Variants in SHISA9 observed in about 807,000 individuals in gnomAD.
SHISA9 encodes the protein protein shisa-9.
A neutral mutation model predicts 38.0 loss-of-function variants in SHISA9; 13 were observed. The ratio of observed to expected loss-of-function variants is 0.34; its 90% CI spans 0.22 to 0.54. The LOEUF is 0.54. SHISA9 is among the 20% of genes least tolerant of loss of function. The pLI is 0.91. For missense variants in SHISA9, 538 were observed against 575.8 expected (o/e 0.93, Z 0.67); for synonymous variants, 275 against 242.0 (o/e 1.14, Z -1.27).
chr16:12,976,955 G>A (rs1021210488), intron 2 of SHISA9, among the ~76,000 whole-genome samples: 1 of 152,164 alleles, frequency 6.6e-6, no homozygotes, highest in Admixed American at 6.5e-5. Flanking sequence ...AGGGTTGCGT[G>A]GTTTCTCTGG....
Position 13,238,279 on chromosome 16 carries a change from A to G in SHISA9, c.*2870A>G, listed in dbSNP as rs112179832. ...AGGGGAATCATTTCCTATGCAAGTC[A>G]GTGTTGAACAATGCTGTAGCTATGT... On this transcript the variant is annotated 3_prime_UTR_variant, in exon 5 of 5. Coordinates refer to ENST00000558583, the MANE Select transcript of SHISA9 (RefSeq NM_001145204.3). 3.3e-4 allele frequency: 50 copies of G among 152,360 alleles called. No homozygotes were observed. Among genetic ancestry groups the G allele is most frequent in the African/African-American group, 1.1e-3 (44 of 41,600 alleles). The allele number at this position is 152,360 out of a possible 1,614,324, so 9.4% of individuals were successfully genotyped here. A position where few individuals can be genotyped will look rare whatever the true frequency, so the allele number is the denominator to read the frequency against.
the SHISA9 span, among the ~76,000 whole-genome samples, chr16:13,414,545 C>G: frequency 2.0e-5 from 3 of 152,116 alleles, no homozygotes; most frequent in African/African-American, 7.2e-5. Flanking sequence ...AGTAAAAAGA[C>G]TGGCTATGTC....
chr16:13,040,466 T>C (rs918283348), intron 2 of SHISA9, among the ~76,000 whole-genome samples: 1 of 152,260 alleles, frequency 6.6e-6, no homozygotes, highest in Admixed American at 6.5e-5. Context: ...TCTAAAAAGC[T>C]TTCTGCCCTG....
the SHISA9 span, among the ~76,000 whole-genome samples, chr16:13,340,402 T>A: frequency 6.6e-6 from 1 of 152,178 alleles, no homozygotes; most frequent in Admixed American, 6.5e-5. Context: ...GATGCATTAG[T>A]TGGGGTATAC....
At chr16:13,440,560 GTC>G in the SHISA9 span, among the ~76,000 whole-genome samples, 1 of 152,214 alleles carries the variant, frequency 6.6e-6, no homozygotes, top group Non-Finnish European at 1.5e-5. Flanking sequence ...TGTTAACAGA[GTC>G]TCTTCTGCTC....
At chr16:13,003,860 A>C (rs1259647607) in intron 2 of SHISA9, among the ~76,000 whole-genome samples, 1 of 118,422 alleles carries the variant, frequency 8.4e-6, no homozygotes, top group Non-Finnish European at 1.7e-5. Flanking sequence ...TCCGTCTCAA[A>C]ATAATAATAA....
At chr16:13,311,299 T>G in the SHISA9 span, among the ~76,000 whole-genome samples, 2 of 152,076 alleles carry the variant, frequency 1.3e-5, no homozygotes, top group South Asian at 2.1e-4. Flanking sequence ...AAATTTCCGC[T>G]AAAGAATAAA....
the SHISA9 span, among the ~76,000 whole-genome samples, chr16:13,253,142 A>G: frequency 6.6e-6 from 1 of 152,248 alleles, no homozygotes; most frequent in Non-Finnish European, 1.5e-5. Flanking sequence ...AGTATGTAAT[A>G]CATATAACAT....
intron 1 of SHISA9, among the ~76,000 whole-genome samples, chr16:12,904,267 A>C (rs1308015126): frequency 6.6e-6 from 1 of 152,064 alleles, no homozygotes; most frequent in African/African-American, 2.4e-5. Context: ...ACTCCGAGAC[A>C]GGTAGGCTGC....
chr16:12,904,547 C>T (rs1453919655), intron 1 of SHISA9, among the ~76,000 whole-genome samples: 1 of 152,196 alleles, frequency 6.6e-6, no homozygotes, highest in African/African-American at 2.4e-5. Flanking sequence ...ATGAACACAG[C>T]TGAGCGGGTT....
At chr16:13,500,500 G>C in the SHISA9 span, among the ~76,000 whole-genome samples, 1 of 152,080 alleles carries the variant, frequency 6.6e-6, no homozygotes, top group Non-Finnish European at 1.5e-5. Flanking sequence ...AGTTAATCTG[G>C]GTCTTGTAGG....
the SHISA9 span, among the ~76,000 whole-genome samples, chr16:13,299,623 A>C: frequency 6.6e-6 from 1 of 151,762 alleles, no homozygotes; most frequent in African/African-American, 2.4e-5. Flanking sequence ...CTGAGGCAGG[A>C]GAATTGCTTG....
At chr16:12,947,117 A>T (rs1489483746) in intron 2 of SHISA9, among the ~76,000 whole-genome samples, 1 of 151,886 alleles carries the variant, frequency 6.6e-6, no homozygotes. Flanking sequence ...GGTGGGTGTT[A>T]CTCTTACTCT....
chr16:12,931,631 A>G (rs2071463050), intron 2 of SHISA9, among the ~76,000 whole-genome samples: 1 of 152,118 alleles, frequency 6.6e-6, no homozygotes, highest in African/African-American at 2.4e-5. Context: ...TTCTCTTTTT[A>G]TGGCTCTGTA....
the SHISA9 span, among the ~76,000 whole-genome samples, chr16:13,332,818 G>T: frequency 6.6e-6 from 1 of 152,142 alleles, no homozygotes; most frequent in Non-Finnish European, 1.5e-5. Context: ...GAGTATATGC[G>T]CACTCTGTCC....
chr16:13,231,436 T>A (rs1056176167), intron 4 of SHISA9, among the ~76,000 whole-genome samples: 2 of 152,216 alleles, frequency 1.3e-5, no homozygotes, highest in African/African-American at 2.4e-5. Flanking sequence ...GGCAGGAAGA[T>A]GGGTTCTAGT....
chr16:13,223,966 T>C (rs142076575), intron 4 of SHISA9, among the ~76,000 whole-genome samples: 2 of 152,184 alleles, frequency 1.3e-5, no homozygotes, highest in African/African-American at 4.8e-5. Context: ...GTGTCCTGGG[T>C]TCAAGTCTCA....
At chr16:13,444,982 C>CCA in the SHISA9 span, among the ~76,000 whole-genome samples, 1 of 106,248 alleles carries the variant, frequency 9.4e-6, no homozygotes, top group Non-Finnish European at 2.0e-5. Flanking sequence ...CCATGCCTAG[C>CCA]TATATATATA....
At chr16:13,160,660 C>T (rs182284273) in intron 2 of SHISA9, among the ~76,000 whole-genome samples, 2 of 152,160 alleles carry the variant, frequency 1.3e-5, no homozygotes, top group Non-Finnish European at 2.9e-5. Context: ...TTTTATTATG[C>T]GCTCTTTGGG....
Sources: allele counts gnomAD v4.1 joint callset (sites outside exome capture counted in the v4.1 genomes callset), GRCh38; gene constraint gnomAD v4.1.1; transcripts MANE v1.5; gene names NCBI Gene and HGNC (gene_info 2026-07-23, HGNC 2026-07-21).